PALM2AKAP2: variants seen among roughly 807,000 people sequenced by gnomAD.
PALM2AKAP2 encodes the protein PALM2 and AKAP2 fusion.
In PALM2AKAP2, 37 loss-of-function variants were observed where a neutral mutation model predicts 71.5. The observed-to-expected ratio is 0.52, with a 90% CI of 0.40 to 0.68. The LOEUF (loss-of-function observed/expected upper bound fraction) is 0.68. Among genes scored for constraint, PALM2AKAP2 ranks in the 30% least tolerant of loss-of-function variants. The pLI is 0.00. For synonymous variants in PALM2AKAP2, 468 were observed against 478.8 expected (o/e 0.98, Z 0.29); for missense variants, 1,224 against 1,191.8 (o/e 1.03, Z -0.40).
At chr9:109,838,799 C>T (rs1227947527) in intron 1 of PALM2AKAP2, among the ~76,000 whole-genome samples, 3 of 152,146 alleles carry the variant, frequency 2.0e-5, no homozygotes, top group African/African-American at 7.2e-5. Flanking sequence ...AATTCCTAGG[C>T]ACATACACCC....
chr9:109,655,726 T>G (rs1389772432), intron 1 of PALM2AKAP2, among the ~76,000 whole-genome samples: 1 of 152,222 alleles, frequency 6.6e-6, no homozygotes, highest in African/African-American at 2.4e-5. Context: ...CTTTGTGTAA[T>G]GCTTTGAAGG....
intron 1 of PALM2AKAP2, among the ~76,000 whole-genome samples, chr9:109,733,513 T>C (rs1828585824): frequency 6.6e-6 from 1 of 152,130 alleles, no homozygotes; most frequent in Admixed American, 6.6e-5. Flanking sequence ...AAGCAGAGAC[T>C]CAAGAAGTGT....
intron 1 of PALM2AKAP2, among the ~76,000 whole-genome samples, chr9:109,772,315 C>T (rs1040497829): frequency 6.6e-6 from 1 of 152,180 alleles, no homozygotes; most frequent in Non-Finnish European, 1.5e-5. Context: ...AGGCTCCTGG[C>T]TCCCAGTCAA....
chr9:109,851,633 T>G (rs1829023702), intron 1 of PALM2AKAP2, among the ~76,000 whole-genome samples: 1 of 152,180 alleles, frequency 6.6e-6, no homozygotes, highest in African/African-American at 2.4e-5. Flanking sequence ...AAGACCAACC[T>G]GCCTGCATGA....
chr9:109,714,146 C>A (rs1202220609), intron 1 of PALM2AKAP2, among the ~76,000 whole-genome samples: 2 of 152,220 alleles, frequency 1.3e-5, no homozygotes, highest in Non-Finnish European at 2.9e-5. Flanking sequence ...TGTCAAAAAC[C>A]AAATTAGTCA....
chr9:110,168,494 A>G, exon 4 of PALM2AKAP2: 1 of 1,614,114 alleles, frequency 6.2e-7, no homozygotes, highest in Non-Finnish European at 8.5e-7. Flanking sequence ...AAGACAACGA[A>G]TAAACTTCCT....
intron 1 of PALM2AKAP2, among the ~76,000 whole-genome samples, chr9:110,106,391 C>G (rs1226719322): frequency 6.6e-6 from 1 of 152,164 alleles, no homozygotes; most frequent in Non-Finnish European, 1.5e-5. Flanking sequence ...AGAGCAGCGT[C>G]TAAATATGTG....
exon 3 of PALM2AKAP2, chr9:110,156,493 G>A (rs1276659172): frequency 6.3e-7 from 1 of 1,599,048 alleles, no homozygotes; most frequent in Non-Finnish European, 8.5e-7. Flanking sequence ...ATGGATGATA[G>A]TAGTGTAAGT....
chr9:110,112,101 G>A (rs1342161389), intron 1 of PALM2AKAP2, among the ~76,000 whole-genome samples: 1 of 151,984 alleles, frequency 6.6e-6, no homozygotes, highest in African/African-American at 2.4e-5. Flanking sequence ...CCACTCAGCT[G>A]AAGAGAAAGT....
At chr9:109,956,668 G>A (rs745537773) in intron 6 of PALM2AKAP2, among the ~76,000 whole-genome samples, 1 of 152,084 alleles carries the variant, frequency 6.6e-6, no homozygotes, top group Non-Finnish European at 1.5e-5. Context: ...AGACTTTTGG[G>A]CATCATATTT....
chr9:110,132,538 C>A lies in PALM2AKAP2; in HGVS notation c.157-3589C>A, dbSNP rs560648324. ...GGAGACAGGGTTTCACCATGTTGGT[C>A]AGGCTGGTCTCAAACTCCTGACCTC... On this transcript the variant is annotated intron_variant, in intron 1 of 3. Coordinates refer to ENST00000374525, the Ensembl canonical transcript of PALM2AKAP2. 8.2e-4 allele frequency among the ~76,000 whole-genome samples: 124 copies of A among 152,030 alleles called. 2 individuals are homozygous for A. The highest frequency in any genetic ancestry group is 1.6e-4 in the Non-Finnish European group (11 of 67,990).
chr9:109,868,538 A>AT (rs919613295), intron 2 of PALM2AKAP2, among the ~76,000 whole-genome samples: 6 of 151,954 alleles, frequency 3.9e-5, no homozygotes, highest in Non-Finnish European at 7.4e-5. Flanking sequence ...AATTATCTAG[A>AT]TTTTTTTCAA....
chr9:109,684,294 G>A (rs1827778044), intron 1 of PALM2AKAP2, among the ~76,000 whole-genome samples: 1 of 152,144 alleles, frequency 6.6e-6, no homozygotes. Flanking sequence ...GGGCAGTGGT[G>A]CTCATCTCTG....
intron 1 of PALM2AKAP2, among the ~76,000 whole-genome samples, chr9:109,671,612 T>C (rs1316324872): frequency 6.6e-6 from 1 of 152,198 alleles, no homozygotes; most frequent in Non-Finnish European, 1.5e-5. Flanking sequence ...AAAATAGTTT[T>C]TTTTCTAGTT....
At chr9:110,161,976 C>G in intron 3 of PALM2AKAP2, 118 bp from the exon 10 acceptor site, 1 of 1,366,902 alleles carries the variant, frequency 7.3e-7, no homozygotes. Flanking sequence ...GTAGAATGGC[C>G]TCCTGGTATT....
chr9:110,147,972 C>T (rs866990005), intron 2 of PALM2AKAP2, among the ~76,000 whole-genome samples: 1 of 152,020 alleles, frequency 6.6e-6, no homozygotes, highest in Non-Finnish European at 1.5e-5. Context: ...TTTCAGTAGT[C>T]CACTATGATT....
chr9:110,000,699 C>G (rs1158387458), intron 6 of PALM2AKAP2, among the ~76,000 whole-genome samples: 6 of 152,034 alleles, frequency 3.9e-5, no homozygotes, highest in Admixed American at 1.3e-4. Flanking sequence ...TTTAATGATC[C>G]CCATTCTAAC....
At chr9:109,972,782 G>A (rs1313266285) in intron 6 of PALM2AKAP2, among the ~76,000 whole-genome samples, 1 of 152,094 alleles carries the variant, frequency 6.6e-6, no homozygotes, top group Non-Finnish European at 1.5e-5. Context: ...CCTTGCCCCT[G>A]GGTACCACGT....
At chr9:109,882,011 G>A (rs1829866962) in intron 3 of PALM2AKAP2, among the ~76,000 whole-genome samples, 1 of 150,540 alleles carries the variant, frequency 6.6e-6, no homozygotes, top group Non-Finnish European at 1.5e-5. Context: ...AGCCTCCCGA[G>A]TAGCTGGGAC....
Sources: gnomAD v4.1 joint callset for allele counts (sites outside exome capture counted in the v4.1 genomes callset) on GRCh38, gnomAD v4.1.1 for gene constraint, MANE v1.5 for transcripts, NCBI Gene and HGNC (gene_info 2026-07-23, HGNC 2026-07-21) for gene names.